MRRF: variants seen among roughly 807,000 people sequenced by gnomAD.
MRRF encodes the protein ribosome-recycling factor, mitochondrial.
MRRF carries 18 observed loss-of-function variants against 25.1 expected under a neutral mutation model. The observed-to-expected ratio is 0.72, with a 90% CI of 0.50 to 1.06. The LOEUF is 1.06. MRRF is among the 50% of genes least tolerant of loss of function. The probability of loss-of-function intolerance (pLI) is 0.00; values close to 1 mark genes in which losing one functional copy is unlikely to be tolerated. For synonymous variants in MRRF, 113 were observed against 112.1 expected, an observed-to-expected ratio of 1.01 and a Z score of -0.05; for missense variants, 323 against 319.3, an observed-to-expected ratio of 1.01 and a Z score of -0.09.
intron 6 of MRRF, among the ~76,000 whole-genome samples, chr9:122,315,326 G>A (rs1344148534): frequency 2.0e-5 from 3 of 152,130 alleles, no homozygotes; most frequent in Non-Finnish European, 2.9e-5. Context: ...TCAGGTAATT[G>A]TGTAAAAGCA....
At chr9:122,316,679 TCAGA>T (rs1409497461) in intron 6 of MRRF, among the ~76,000 whole-genome samples, 3 of 152,132 alleles carry the variant, frequency 2.0e-5, no homozygotes, top group Non-Finnish European at 2.9e-5. Context: ...TGTCGCTTCA[TCAGA>T]CAGTTTTAAA....
rs986673272 is a variant in MRRF, at chr9:122,323,970, AC to A, written c.*1354del. On this transcript the variant is annotated 3_prime_UTR_variant, in exon 7 of 7. Transcript: ENST00000344641. ...TGCTAATGTAAAAGGAAAAAAACAA[AC>A]TTTTTTTCCTTTTGTACTTTCACAC... The A allele has an allele frequency of 2.6e-5, 4 of 152,220 alleles. No individual in the cohort carries two copies. The highest frequency in any genetic ancestry group is 9.6e-5 in the African/African-American group (4 of 41,536). 9.4% of individuals were successfully genotyped at this position (152,220 alleles called of 1,614,324 possible).
Position 122,285,275 on chromosome 9 carries a change from C to T in MRRF, c.447C>T (p.Ala149=). Residue 149 remains alanine (A), a synonymous_variant, in exon 4 of 7, where the codon GCC becomes GCT. Transcript: ENST00000344641. ...CACAGCTGATTTTGGTGAATATGGC[C>T]AGCTTCCCAGAGGTAAGATGGCCTT... ...KSPQLILVNM[A]SFPECTAAAI... 6.2e-7 allele frequency: 1 copy of T among 1,606,908 alleles called. No homozygotes were observed. Among genetic ancestry groups the T allele is most frequent in the African/African-American group, 1.3e-5 (1 of 74,884 alleles).
In MRRF at chr9:122,323,845, A is replaced by T. The variant is rs1432005482; in HGVS notation, c.*1228A>T. 1 of 152,232 alleles carries T rather than the reference A, an allele frequency of 6.6e-6. No homozygotes were observed. The highest frequency in any genetic ancestry group is 1.5e-5 in the Non-Finnish European group (1 of 68,038). 9.4% of individuals were successfully genotyped at this position (152,232 alleles called of 1,614,324 possible). A position where few individuals can be genotyped will look rare whatever the true frequency, so the allele number is the denominator to read the frequency against. On this transcript the variant is annotated 3_prime_UTR_variant, in exon 7 of 7. Coordinates refer to ENST00000344641, the MANE Select transcript of MRRF (RefSeq NM_138777.5). ...AGCTGATCAGTGGTAGAAGGTTTTC[A>T]TGATTCATTGTCAGCGTCATTTACA...
intron 5 of MRRF, among the ~76,000 whole-genome samples, chr9:122,307,132 G>A (rs111756771): frequency 4.6e-5 from 7 of 152,258 alleles, no homozygotes; most frequent in African/African-American, 1.7e-4. Context: ...AAACATTTCC[G>A]TCAGGACCGG....
chr9:122,318,831 G>A (rs776557475), intron 6 of MRRF, among the ~76,000 whole-genome samples: 29 of 152,168 alleles, frequency 1.9e-4, no homozygotes, highest in Non-Finnish European at 3.2e-4. Flanking sequence ...CTGAGCCTCT[G>A]TTTCTTCATC....
intron 3 of MRRF, among the ~76,000 whole-genome samples, chr9:122,281,584 T>C (rs1833097324): frequency 6.6e-6 from 1 of 152,212 alleles, no homozygotes. Context: ...GAGCGTGCCA[T>C]TCAATCTCTC....
At chr9:122,296,762 A>C (rs1288043201) in intron 5 of MRRF, among the ~76,000 whole-genome samples, 1 of 152,204 alleles carries the variant, frequency 6.6e-6, no homozygotes, top group Non-Finnish European at 1.5e-5. Flanking sequence ...ATAAACAAAT[A>C]AGAATACACT....
intron 5 of MRRF, among the ~76,000 whole-genome samples, chr9:122,305,059 A>G (rs1299186415): frequency 1.3e-5 from 2 of 152,004 alleles, no homozygotes; most frequent in Non-Finnish European, 2.9e-5. Context: ...TTCCGGCCTC[A>G]GCCTTTCAAG....
chr9:122,301,057 G>A (rs925165802), intron 5 of MRRF, among the ~76,000 whole-genome samples: 1 of 152,092 alleles, frequency 6.6e-6, no homozygotes, highest in Non-Finnish European at 1.5e-5. Flanking sequence ...GGGCATTTTT[G>A]GGGATGATAG....
Position 122,313,159 on chromosome 9 carries a change from A to G in MRRF, c.552-68A>G, listed in dbSNP as rs190668587. On this transcript the variant is annotated intron_variant, in intron 5 of 6. Transcript: ENST00000344641. Reference sequence around the variant, plus strand: ...AACTGCTGAACTGGTTGACAGAGTGATGTTAAATTCTTGGCCAGCAGTTAA... The same window carrying G: ...AACTGCTGAACTGGTTGACAGAGTGGTGTTAAATTCTTGGCCAGCAGTTAA... 1.5e-4 allele frequency: 226 copies of G among 1,471,918 alleles called. 1 individual carries two copies. In the African/African-American group the frequency reaches 2.8e-3, roughly 18 times the overall value. The allele number at this position is 1,471,918 out of a possible 1,614,324, so 91.2% of individuals were successfully genotyped here.
intron 6 of MRRF, among the ~76,000 whole-genome samples, chr9:122,317,931 A>G (rs1466184657): frequency 6.6e-6 from 1 of 152,104 alleles, no homozygotes; most frequent in Non-Finnish European, 1.5e-5. Flanking sequence ...AAGTCAGGAG[A>G]TCGAGACCGT....
intron 3 of MRRF, among the ~76,000 whole-genome samples, chr9:122,283,547 T>C (rs1321510505): frequency 1.3e-5 from 2 of 152,232 alleles, no homozygotes; most frequent in Non-Finnish European, 2.9e-5. Flanking sequence ...CTTTTACCAT[T>C]ATACCTCCCG....
At position 122,280,592 on chromosome 9, in the gene MRRF, T is replaced by A. The variant is rs1833042853; in HGVS notation, c.334T>A (p.Ser112Thr). The A allele has an allele frequency of 3.1e-6, 5 of 1,613,716 alleles. No homozygotes were observed. Among genetic ancestry groups the A allele is most frequent in the Non-Finnish European group, 4.2e-6 (5 of 1,179,768 alleles). The change falls in exon 3 of 7, where the codon TCA becomes ACA. Residue 112 changes from serine (S) to threonine (T), a missense_variant. Physicochemically the swap from Ser to Thr is moderately conservative, Grantham distance 58. Transcript: ENST00000344641. ...NFNKTLNIRT[S>T]PGSLDKIAVV... ...CAATAAGACTCTCAATATAAGGACC[T>A]CACCAGGTTAGTGACTGAACCAATG...
At chr9:122,300,261 C>T (rs1834367115) in intron 5 of MRRF, among the ~76,000 whole-genome samples, 1 of 152,186 alleles carries the variant, frequency 6.6e-6, no homozygotes, top group African/African-American at 2.4e-5. Context: ...GCAGGAATGT[C>T]ACAGTGGATC....
rs35451488 is a variant in MRRF at position 122,325,798 on chromosome 9, ATGTGTGTGTGTG to A, written c.*3191_*3202del. The stretch of plus-strand genomic sequence containing the variant: ...CCAGACCTCCTTTCTCTGTGCATAT[ATGTGTGTGTGTG>A]TGTGTGTGTTCGTTTCATTTTGTTT... On this transcript the variant is annotated 3_prime_UTR_variant, in exon 7 of 7. Coordinates refer to ENST00000344641, the MANE Select transcript of MRRF (RefSeq NM_138777.5). The A allele has an allele frequency of 1.4e-5, 2 of 140,340 alleles. No homozygotes were observed. The highest frequency in any genetic ancestry group is 3.1e-5 in the Non-Finnish European group (2 of 64,378). 8.7% of individuals were successfully genotyped at this position (140,340 alleles called of 1,614,324 possible).
intron 5 of MRRF, among the ~76,000 whole-genome samples, chr9:122,294,413 A>C (rs2118829995): frequency 6.6e-6 from 1 of 152,326 alleles, no homozygotes. Context: ...AGATAAGAGG[A>C]TCTGTTACAT....
intron 6 of MRRF, among the ~76,000 whole-genome samples, chr9:122,320,641 G>C (rs1023652370): frequency 6.6e-6 from 1 of 152,338 alleles, no homozygotes; most frequent in Admixed American, 6.5e-5. Context: ...CAGTGTGTCT[G>C]GCAGCCCCCA....
At chr9:122,305,285 C>A (rs1834765256) in intron 5 of MRRF, among the ~76,000 whole-genome samples, 1 of 151,726 alleles carries the variant, frequency 6.6e-6, no homozygotes, top group South Asian at 2.1e-4. Flanking sequence ...GTGGCACGTG[C>A]CTATAGTCCC....
Sources: gnomAD v4.1 joint callset for allele counts (sites outside exome capture counted in the v4.1 genomes callset) on GRCh38, gnomAD v4.1.1 for gene constraint, MANE v1.5 for transcripts, NCBI Gene and HGNC (gene_info 2026-07-23, HGNC 2026-07-21) for gene names.